The following MED27 variants were observed in gnomAD, a reference collection of about 807,000 sequenced individuals.
The protein encoded by MED27 is mediator of RNA polymerase II transcription subunit 27.
Under a neutral mutation model 38.2 loss-of-function variants are expected in MED27, and 30 were observed. The observed-to-expected ratio is 0.79, with a 90% CI of 0.59 to 1.07. The LOEUF (loss-of-function observed/expected upper bound fraction) is 1.07, where lower values mean the gene tolerates loss of function less well. Ranked by LOEUF, MED27 falls within the 50% of genes least tolerant of loss-of-function variation. The pLI is 0.00. For synonymous variants in MED27, 122 were observed against 153.5 expected (o/e 0.79, Z 1.52); for missense variants, 289 against 397.5 (o/e 0.73, Z 2.32).
At chr9:131,973,701 T>C (rs1474537715) in intron 3 of MED27, among the ~76,000 whole-genome samples, 2 of 151,972 alleles carry the variant, frequency 1.3e-5, no homozygotes, top group African/African-American at 2.4e-5. Context: ...ACTGAATTAC[T>C]GTATTACTGG....
At chr9:132,045,413 T>TACACACACACACACAC (rs61360267) in intron 2 of MED27, among the ~76,000 whole-genome samples, 1 of 144,390 alleles carries the variant, frequency 6.9e-6, no homozygotes, top group African/African-American at 2.6e-5. Context: ...AAGAGGAAAT[T>TACACACACACACACAC]ACACACACAC....
chr9:131,880,866 C>T (rs987083828), intron 6 of MED27, among the ~76,000 whole-genome samples: 2 of 151,844 alleles, frequency 1.3e-5, no homozygotes, highest in Admixed American at 6.6e-5. Context: ...TCCTAATACA[C>T]TTTCTGCTTG....
intron 2 of MED27, among the ~76,000 whole-genome samples, chr9:132,047,522 T>C (rs1277985281): frequency 1.3e-5 from 2 of 151,798 alleles, no homozygotes; most frequent in Non-Finnish European, 2.9e-5. Flanking sequence ...TGGTGACCTA[T>C]GGTTTTGTAA....
chr9:131,979,112 T>C lies in MED27; in HGVS notation c.479+35225A>G, dbSNP rs117295467. Among the ~76,000 whole-genome samples the C allele has an allele frequency of 1.5e-3, 228 of 152,278 alleles. 7 individuals carry two copies. The East Asian group carries it at 0.039, about 26-fold the overall frequency. ...TGATGAACCGCAGAGATGATGGGTG[T>C]CACTTGGCATCACTTGCCTTTTTCT... On this transcript the variant is annotated intron_variant, in intron 3 of 7. Coordinates refer to ENST00000292035, the MANE Select transcript of MED27 (RefSeq NM_004269.4).
chr9:132,026,940 G>A (rs1409457244), intron 2 of MED27, among the ~76,000 whole-genome samples: 1 of 152,158 alleles, frequency 6.6e-6, no homozygotes, highest in Non-Finnish European at 1.5e-5. Flanking sequence ...GACGTTAAGC[G>A]GCAGGGTCAG....
Position 131,861,024 on chromosome 9 carries a change from A to C in MED27, c.802-352T>G, listed in dbSNP as rs567777886. On this transcript the variant is annotated intron_variant, in intron 7 of 7. Coordinates refer to ENST00000292035, the MANE Select transcript of MED27 (RefSeq NM_004269.4). The surrounding 1 kb of genome is among the most constrained non-coding windows in gnomAD (Gnocchi z 4.4). ...GGTCCCATGTCTTCTGAATGTCAGT[A>C]TCCATCCTCTTCTCCTTGCCCACTA... 6.6e-6 allele frequency among the ~76,000 whole-genome samples: 1 copy of C among 152,130 alleles called. No homozygotes were observed. Among genetic ancestry groups the C allele is most frequent in the Non-Finnish European group, 1.5e-5 (1 of 67,998 alleles).
At chr9:132,063,878 CA>C (rs1218843151) in intron 2 of MED27, among the ~76,000 whole-genome samples, 2 of 152,190 alleles carry the variant, frequency 1.3e-5, no homozygotes, top group Non-Finnish European at 2.9e-5. Flanking sequence ...GGAGTATCTT[CA>C]AACCCATTTG....
In MED27 at chr9:131,860,482, TC is replaced by T. The variant is rs1838632987; in HGVS notation, c.*55del. On this transcript the variant is annotated 3_prime_UTR_variant, in exon 8 of 8. Coordinates refer to ENST00000292035, the MANE Select transcript of MED27 (RefSeq NM_004269.4). The surrounding 1 kb of genome is among the most constrained non-coding windows in gnomAD (Gnocchi z 5.8). ...GAACCAGCTGAGCCTTCTGTGGGCT[TC>T]CTGCGTGTCTGGGAAGGTGCTGGGT... is the stretch of plus-strand genomic sequence containing the variant. 5 of 1,465,534 alleles carry T rather than the reference TC, an allele frequency of 3.4e-6. No individual in the cohort carries two copies. The highest frequency in any genetic ancestry group is 3.6e-6 in the Non-Finnish European group (4 of 1,109,484). The allele number at this position is 1,465,534 out of a possible 1,614,324, so 90.8% of individuals were successfully genotyped here. A position where few individuals can be genotyped will look rare whatever the true frequency, so the allele number is the denominator to read the frequency against.
chr9:131,964,752 C>A (rs576166033), intron 3 of MED27, among the ~76,000 whole-genome samples: 2 of 152,334 alleles, frequency 1.3e-5, no homozygotes, highest in East Asian at 3.9e-4. Context: ...TGTTTAAGCA[C>A]AAGGGATCAA....
intron 2 of MED27, among the ~76,000 whole-genome samples, chr9:132,037,545 T>C (rs993194595): frequency 6.6e-6 from 1 of 152,202 alleles, no homozygotes. Context: ...ATTGAAATCC[T>C]TGGAGCGGTT....
At chr9:131,969,444 C>T (rs774497082) in intron 3 of MED27, among the ~76,000 whole-genome samples, 25 of 152,054 alleles carry the variant, frequency 1.6e-4, no homozygotes, top group Non-Finnish European at 3.5e-4. Context: ...GCATTTTGTA[C>T]ATTAAGTGCT....
At chr9:132,077,094 A>C (rs534149423) in intron 2 of MED27, among the ~76,000 whole-genome samples, 18 of 152,312 alleles carry the variant, frequency 1.2e-4, no homozygotes, top group African/African-American at 4.3e-4. Flanking sequence ...TCCTCTGCGA[A>C]CCTGACAAAA....
chr9:132,073,766 G>T, intron 2 of MED27: 1 of 1,493,146 alleles, frequency 6.7e-7, no homozygotes, highest in Non-Finnish European at 8.8e-7. Flanking sequence ...AAAATCAAAC[G>T]TGAAAAAAAA....
intron 3 of MED27, among the ~76,000 whole-genome samples, chr9:131,988,294 T>C (rs1831897225): frequency 6.6e-6 from 1 of 152,180 alleles, no homozygotes. Flanking sequence ...AAAGGAGCCA[T>C]TTATTCTGGC....
chr9:132,028,842 G>T (rs1305052855), intron 2 of MED27, among the ~76,000 whole-genome samples: 1 of 152,142 alleles, frequency 6.6e-6, no homozygotes, highest in Non-Finnish European at 1.5e-5. Flanking sequence ...CTTCTACTGA[G>T]GAACCCAGGA....
intron 4 of MED27, among the ~76,000 whole-genome samples, chr9:131,910,612 A>T (rs778629969): frequency 6.6e-6 from 1 of 152,180 alleles, no homozygotes; most frequent in Non-Finnish European, 1.5e-5. Context: ...TCAGCATCCT[A>T]GGGAATCCTC....
At chr9:131,934,220 A>G (rs538139182) in intron 4 of MED27, among the ~76,000 whole-genome samples, 17 of 152,324 alleles carry the variant, frequency 1.1e-4, no homozygotes, top group African/African-American at 2.9e-4. Context: ...GTCTGAGCAA[A>G]AATGTCTTGA....
chr9:131,969,453 C>T (rs1027968964), intron 3 of MED27, among the ~76,000 whole-genome samples: 2 of 151,874 alleles, frequency 1.3e-5, no homozygotes, highest in Non-Finnish European at 2.9e-5. Flanking sequence ...ACATTAAGTG[C>T]TCTCGTAACA....
intron 3 of MED27, among the ~76,000 whole-genome samples, chr9:131,944,062 C>G (rs936803683): frequency 6.6e-6 from 1 of 152,202 alleles, no homozygotes; most frequent in South Asian, 2.1e-4. Flanking sequence ...TCCAGAAGGA[C>G]AGCTTCAGTC....
Sources: gnomAD v4.1 joint callset for allele counts (sites outside exome capture counted in the v4.1 genomes callset) on GRCh38, gnomAD v4.1.1 for gene constraint, Gnocchi (gnomAD v3.1) non-coding constraint, MANE v1.5 for transcripts, NCBI Gene and HGNC (gene_info 2026-07-23, HGNC 2026-07-21) for gene names.